The following CACNA1E variants were observed in gnomAD, a reference collection of about 807,000 sequenced individuals.
The protein encoded by CACNA1E is voltage-dependent R-type calcium channel subunit alpha-1E.
A neutral mutation model predicts 259.2 loss-of-function variants in CACNA1E; 40 were observed. The observed-to-expected ratio is 0.15, with a 90% CI of 0.12 to 0.20. The LOEUF is 0.20. Ranked by LOEUF, CACNA1E falls within the 10% of genes least tolerant of loss-of-function variation. The probability of loss-of-function intolerance (pLI) is 1.00; values close to 1 mark genes in which losing one functional copy is unlikely to be tolerated. For missense variants in CACNA1E, 1,874 were observed against 3,040.1 expected (o/e 0.62, Z 9.02); for synonymous variants, 1,104 against 1,138.5 (o/e 0.97, Z 0.61).
intron 3 of CACNA1E, among the ~76,000 whole-genome samples, chr1:181,551,223 T>C (rs1211237776): frequency 3.3e-5 from 5 of 152,190 alleles, no homozygotes; most frequent in African/African-American, 1.2e-4. Context: ...AAACTCTCCC[T>C]CTCTGGTCCT....
intron 1 of CACNA1E, among the ~76,000 whole-genome samples, chr1:181,349,950 C>T (rs553113797): frequency 6.6e-6 from 1 of 152,292 alleles, no homozygotes; most frequent in Admixed American, 6.5e-5. Flanking sequence ...CAGACCTGAT[C>T]CAGCCTCAAC....
chr1:181,756,511 T>C (rs1373270241), intron 29 of CACNA1E, among the ~76,000 whole-genome samples: 1 of 152,180 alleles, frequency 6.6e-6, no homozygotes, highest in Admixed American at 6.5e-5. Context: ...AGGCACCTCC[T>C]GTGATCATGA....
At chr1:181,511,277 A>G in intron 2 of CACNA1E, 94 bp from the exon 3 acceptor site, 1 of 1,453,982 alleles carries the variant, frequency 6.9e-7, no homozygotes. Flanking sequence ...CAGGCCCAGC[A>G]CAGACATCCA....
At position 181,775,037 on chromosome 1, in the gene CACNA1E, A is replaced by G. The variant is rs1473831201; in HGVS notation, c.5140-1064A>G. On this transcript the variant is annotated intron_variant, in intron 37 of 47. Transcript: ENST00000367573. ...CAGATCTCTGCCTCCACCTTGCTCCATCCTTGTGAGTGCAAATATCAACAT... is the reference window on the plus strand; with the variant it reads ...CAGATCTCTGCCTCCACCTTGCTCCGTCCTTGTGAGTGCAAATATCAACAT... Among the ~76,000 whole-genome samples, 3 of 152,208 alleles carry G rather than the reference A, an allele frequency of 2.0e-5. No homozygotes were observed. In the East Asian group the frequency reaches 5.8e-4, roughly 29 times the overall value.
chr1:181,799,489 A>T lies in CACNA1E; in HGVS notation c.*655A>T, dbSNP rs1662109534. 1 of 152,808 alleles carries T rather than the reference A, an allele frequency of 6.5e-6. No homozygotes were observed. 9.5% of individuals were successfully genotyped at this position (152,808 alleles called of 1,614,324 possible). A position where few individuals can be genotyped will look rare whatever the true frequency, so the allele number is the denominator to read the frequency against. ...TGGACAAGAAAAGCCATAGCCCGGCAGCCCCTACCATGAGGGAGACAGAGA... is the reference window on the plus strand; with the variant it reads ...TGGACAAGAAAAGCCATAGCCCGGCTGCCCCTACCATGAGGGAGACAGAGA... On this transcript the variant is annotated 3_prime_UTR_variant, in exon 48 of 48. Transcript: ENST00000367573.
At chr1:181,719,893 A>G (rs765250737) in intron 13 of CACNA1E, 30 bp downstream of exon 13, 4 of 1,300,268 alleles carry the variant, frequency 3.1e-6, no homozygotes, top group Non-Finnish European at 3.3e-6. Flanking sequence ...ACTTTTCCCA[A>G]TGTCTTTGAG....
chr1:181,739,588 C>T (rs1190188661), intron 25 of CACNA1E, among the ~76,000 whole-genome samples: 1 of 152,158 alleles, frequency 6.6e-6, no homozygotes, highest in Admixed American at 6.5e-5. Flanking sequence ...GACCCAGGAA[C>T]AGCTTATGGG....
intron 5 of CACNA1E, among the ~76,000 whole-genome samples, chr1:181,580,028 G>A (rs983668532): frequency 6.6e-6 from 1 of 152,218 alleles, no homozygotes; most frequent in Admixed American, 6.5e-5. Context: ...AAGGAGATGG[G>A]AGGCAGGCTG....
rs776876281 is a variant in CACNA1E at position 181,711,051 on chromosome 1, G to T, written c.1153G>T (p.Ala385Ser). Residue 385 changes from alanine to serine, a missense_variant, in exon 8 of 48, where the codon GCC (alanine) becomes TCC (serine). By Grantham distance (99) the Ala-to-Ser change is moderately conservative. Coordinates refer to ENST00000367573, the MANE Select transcript of CACNA1E (RefSeq NM_001205293.3). ...TGAGCGTGAGCTGAATGGCTACCGTGCCTGGATAGACAAAGCAGGTAGGCC... is the reference window on the plus strand; with the variant it reads ...TGAGCGTGAGCTGAATGGCTACCGTTCCTGGATAGACAAAGCAGGTAGGCC... Reference protein sequence around the residue: ...QIERELNGYRAWIDKAEEVML... With the variant: ...QIERELNGYRSWIDKAEEVML... 1.9e-6 allele frequency: 3 copies of T among 1,613,378 alleles called. No individual in the cohort carries two copies. The highest frequency in any genetic ancestry group is 2.5e-6 in the Non-Finnish European group (3 of 1,179,504).
chr1:181,778,494 T>A (rs181525687), intron 38 of CACNA1E, among the ~76,000 whole-genome samples: 1 of 152,128 alleles, frequency 6.6e-6, no homozygotes, highest in African/African-American at 2.4e-5. Flanking sequence ...GAGGTGGAGA[T>A]GTTGTGCTTA....
In CACNA1E at chr1:181,758,999, G is replaced by T; in HGVS notation, c.4605+131G>T. ...ACCTAGATGTGGGCTCGTTTTGACT[G>T]CTCAGTAAACTGCCGTAGAGACAAG... On this transcript the variant is annotated intron_variant, in intron 32 of 47. Transcript: ENST00000367573. This position sits in a 1 kb window ranked among gnomAD's most constrained non-coding sequence, Gnocchi z 4.2. 1.6e-6 allele frequency: 1 copy of T among 613,384 alleles called. No homozygotes were observed. Among genetic ancestry groups the T allele is most frequent in the Non-Finnish European group, 2.9e-6 (1 of 342,142 alleles). 38.0% of individuals were successfully genotyped at this position (613,384 alleles called of 1,614,324 possible).
At chr1:181,425,283 G>A (rs966064418) in intron 2 of CACNA1E, among the ~76,000 whole-genome samples, 4 of 152,108 alleles carry the variant, frequency 2.6e-5, no homozygotes, top group African/African-American at 4.8e-5. Context: ...AGCGCCCCGA[G>A]ACTCCCACCG....
intron 1 of CACNA1E, among the ~76,000 whole-genome samples, chr1:181,509,724 G>T (rs1394941436): frequency 6.6e-6 from 1 of 152,094 alleles, no homozygotes; most frequent in African/African-American, 2.4e-5. Context: ...ACATCTAACA[G>T]AAAAAAGCCT....
chr1:181,714,068 C>G (rs1653654865), intron 8 of CACNA1E, among the ~76,000 whole-genome samples: 1 of 152,168 alleles, frequency 6.6e-6, no homozygotes, highest in African/African-American at 2.4e-5. Flanking sequence ...CGAAATACTA[C>G]CTCAAATTAG....
intron 3 of CACNA1E, among the ~76,000 whole-genome samples, chr1:181,521,957 G>A (rs991667180): frequency 6.6e-6 from 1 of 152,050 alleles, no homozygotes; most frequent in African/African-American, 2.4e-5. Flanking sequence ...AAGTAGGCAG[G>A]GACCACATCA....
At chr1:181,508,817 G>A (rs1665934655) in intron 1 of CACNA1E, among the ~76,000 whole-genome samples, 1 of 152,188 alleles carries the variant, frequency 6.6e-6, no homozygotes, top group Non-Finnish European at 1.5e-5. Context: ...CATGGGTGCT[G>A]AGGGACTTTC....
chr1:181,575,083 C>T (rs571559942), intron 3 of CACNA1E, among the ~76,000 whole-genome samples: 20 of 152,060 alleles, frequency 1.3e-4, no homozygotes, highest in Non-Finnish European at 2.6e-4. Flanking sequence ...AACGGGGAGC[C>T]GGCTGTCATT....
At chr1:181,626,743 T>G (rs561109537) in intron 6 of CACNA1E, among the ~76,000 whole-genome samples, 73 of 152,356 alleles carry the variant, frequency 4.8e-4, no homozygotes, top group African/African-American at 1.8e-3. Flanking sequence ...ATGATTCACT[T>G]TCTCTTTCAT....
intron 1 of CACNA1E, among the ~76,000 whole-genome samples, chr1:181,361,366 A>C (rs1653874106): frequency 6.6e-6 from 1 of 152,194 alleles, no homozygotes; most frequent in African/African-American, 2.4e-5. Flanking sequence ...TTCTACTACC[A>C]TATGTGGCTC....
Sources: gnomAD v4.1 joint callset for allele counts (sites outside exome capture counted in the v4.1 genomes callset) on GRCh38, gnomAD v4.1.1 for gene constraint, Gnocchi (gnomAD v3.1) non-coding constraint, MANE v1.5 for transcripts, NCBI Gene and HGNC (gene_info 2026-07-23, HGNC 2026-07-21) for gene names.